VTA1: variants seen among roughly 807,000 people sequenced by gnomAD.
VTA1 encodes the protein vacuolar protein sorting-associated protein VTA1 homolog.
Under a neutral mutation model 36.9 loss-of-function variants are expected in VTA1, and 24 were observed. The observed-to-expected ratio is 0.65, with a 90% confidence interval of 0.47 to 0.91. VTA1 has a LOEUF of 0.91. Ranked by LOEUF, VTA1 falls within the 40% of genes least tolerant of loss-of-function variation. The pLI, the probability that VTA1 is intolerant of heterozygous loss-of-function variation, is 0.00. For synonymous variants in VTA1, 142 were observed against 130.2 expected, an observed-to-expected ratio of 1.09 and a Z score of -0.62; for missense variants, 393 against 377.2, an observed-to-expected ratio of 1.04 and a Z score of -0.35.
chr6:142,192,261 A>C (rs1051456859), intron 5 of VTA1, among the ~76,000 whole-genome samples: 6 of 152,042 alleles, frequency 3.9e-5, no homozygotes, highest in Non-Finnish European at 2.9e-5. Context: ...AATTATATAA[A>C]GGCTTTGTGT....
chr6:142,212,218 G>A (rs1027880147), intron 7 of VTA1, among the ~76,000 whole-genome samples: 3 of 152,170 alleles, frequency 2.0e-5, no homozygotes, highest in South Asian at 2.1e-4. Context: ...GCAAGCAAAA[G>A]TTTATAGCAG....
At chr6:142,179,019 A>C (rs1775175757) in intron 4 of VTA1, among the ~76,000 whole-genome samples, 1 of 152,132 alleles carries the variant, frequency 6.6e-6, no homozygotes, top group African/African-American at 2.4e-5. Context: ...ATAATGGGTC[A>C]GTTCATCAAG....
At chr6:142,201,532 T>G (rs923334321) in intron 6 of VTA1, among the ~76,000 whole-genome samples, 3 of 151,972 alleles carry the variant, frequency 2.0e-5, no homozygotes, top group African/African-American at 7.2e-5. Flanking sequence ...TGTTTTTTTC[T>G]TTCTCAAGAA....
chr6:142,180,296 C>T (rs917710570), intron 4 of VTA1, among the ~76,000 whole-genome samples: 4 of 152,006 alleles, frequency 2.6e-5, no homozygotes, highest in South Asian at 2.1e-4. Flanking sequence ...ACCCAGAAGC[C>T]GACTTGAAAG....
intron 5 of VTA1, among the ~76,000 whole-genome samples, chr6:142,198,119 A>ATG (rs71021658): frequency 0.057 from 5,560 of 98,112 alleles, 169 homozygotes; most frequent in Non-Finnish European, 0.085. Flanking sequence ...ATATATATAT[A>ATG]TGTGTGTGTG....
At chr6:142,198,691 C>A in intron 6 of VTA1, 76 bp downstream of exon 6, 1 of 1,344,412 alleles carries the variant, frequency 7.4e-7, no homozygotes, top group Non-Finnish European at 1.0e-6. Flanking sequence ...CACATATGTG[C>A]CTCATAATGA....
In VTA1 at chr6:142,223,878, T is replaced by C. The variant is rs961919615; in HGVS notation, c.*5235T>C. The C allele has an allele frequency of 6.6e-6, 1 of 151,690 alleles. No homozygotes were observed. Among genetic ancestry groups the C allele is most frequent in the African/African-American group, 2.4e-5 (1 of 41,214 alleles). The allele number at this position is 151,690 out of a possible 1,614,324, so 9.4% of individuals were successfully genotyped here. Reference sequence around the variant, plus strand: ...AGAGAGAAAAGCACAAGCAACACCATGGAGGAACAAATGTGGGCAATTCAG... The same window carrying C: ...AGAGAGAAAAGCACAAGCAACACCACGGAGGAACAAATGTGGGCAATTCAG... On this transcript the variant is annotated 3_prime_UTR_variant, in exon 8 of 8. Coordinates refer to ENST00000367630, the MANE Select transcript of VTA1 (RefSeq NM_016485.5).
chr6:142,192,093 GT>G (rs1775466107), intron 5 of VTA1, among the ~76,000 whole-genome samples: 1 of 152,008 alleles, frequency 6.6e-6, no homozygotes, highest in Admixed American at 6.5e-5. Flanking sequence ...CCACATCACT[GT>G]GACATTTGAA....
intron 6 of VTA1, among the ~76,000 whole-genome samples, chr6:142,202,704 T>A (rs919453356): frequency 6.6e-6 from 1 of 151,958 alleles, no homozygotes; most frequent in Non-Finnish European, 1.5e-5. Flanking sequence ...TAGATTGGAT[T>A]GGACACACAG....
chr6:142,178,834 T>C (rs1332560647), intron 4 of VTA1, among the ~76,000 whole-genome samples: 1 of 152,036 alleles, frequency 6.6e-6, no homozygotes, highest in Non-Finnish European at 1.5e-5. Flanking sequence ...AAGCAAGCCT[T>C]AACTGTATAC....
chr6:142,171,021 T>C (rs1043679388), intron 4 of VTA1, among the ~76,000 whole-genome samples: 3 of 152,212 alleles, frequency 2.0e-5, no homozygotes, highest in African/African-American at 7.2e-5. Context: ...TTGATCTTAC[T>C]AAGTATTAAC....
At chr6:142,208,783 C>A (rs1775845478) in intron 7 of VTA1, among the ~76,000 whole-genome samples, 1 of 152,090 alleles carries the variant, frequency 6.6e-6, no homozygotes, top group Non-Finnish European at 1.5e-5. Context: ...AAAAAACTGT[C>A]ATCTAGGAAT....
rs572113073 is a variant in VTA1 at position 142,166,749 on chromosome 6, G to A, written c.207+427G>A. The stretch of plus-strand genomic sequence containing the variant: ...CAATTCTCTTACATCAGCCTCCCAC[G>A]TAGCTAGGACTACAGGCACACGCTA... On this transcript the variant is annotated intron_variant, in intron 2 of 7. Transcript: ENST00000367630. Among the ~76,000 whole-genome samples the A allele has an allele frequency of 2.9e-3, 434 of 152,066 alleles. 2 individuals are homozygous for A. Among genetic ancestry groups the A allele is most frequent in the Non-Finnish European group, 5.2e-3 (352 of 68,004 alleles).
At chr6:142,177,226 T>C (rs148281953) in intron 4 of VTA1, among the ~76,000 whole-genome samples, 6 of 152,188 alleles carry the variant, frequency 3.9e-5, no homozygotes, top group Admixed American at 3.9e-4. Context: ...GAACAATGTC[T>C]TACACCTAAT....
At chr6:142,210,271 A>G (rs1430337453) in intron 7 of VTA1, among the ~76,000 whole-genome samples, 1 of 152,192 alleles carries the variant, frequency 6.6e-6, no homozygotes, top group Non-Finnish European at 1.5e-5. Context: ...TCAAGTCAAA[A>G]TGGATTAAAG....
At chr6:142,177,723 G>T (rs1775153002) in intron 4 of VTA1, among the ~76,000 whole-genome samples, 1 of 152,118 alleles carries the variant, frequency 6.6e-6, no homozygotes, top group Non-Finnish European at 1.5e-5. Flanking sequence ...TACTAAATGT[G>T]TATTCATTGC....
chr6:142,151,008 G>A (rs933353665), intron 1 of VTA1, among the ~76,000 whole-genome samples: 3 of 152,172 alleles, frequency 2.0e-5, no homozygotes, highest in East Asian at 3.9e-4. Context: ...GATGCAGGGA[G>A]TCACCTGGAA....
chr6:142,157,559 C>T (rs1459915815), intron 1 of VTA1, among the ~76,000 whole-genome samples: 2 of 151,960 alleles, frequency 1.3e-5, no homozygotes, highest in South Asian at 4.2e-4. Flanking sequence ...TAGAAAAAAC[C>T]GTAAAGTTGA....
chr6:142,186,313 A>G (rs967438357), intron 4 of VTA1, among the ~76,000 whole-genome samples: 20 of 152,336 alleles, frequency 1.3e-4, no homozygotes, highest in Non-Finnish European at 2.8e-4. Flanking sequence ...AGAACCAGGT[A>G]GAGTAGACCC....
Sources: allele counts gnomAD v4.1 joint callset (sites outside exome capture counted in the v4.1 genomes callset), GRCh38; gene constraint gnomAD v4.1.1; transcripts MANE v1.5; gene names NCBI Gene and HGNC (gene_info 2026-07-23, HGNC 2026-07-21).